Variants in INO80 observed in about 807,000 individuals in gnomAD.
INO80 encodes the protein INO80 complex ATPase subunit, also known as chromatin-remodeling ATPase INO80.
In INO80, 20 loss-of-function variants were observed where a neutral mutation model predicts 203.4. That is an observed-to-expected ratio of 0.10 (90% CI 0.07 to 0.14). The LOEUF (loss-of-function observed/expected upper bound fraction) is 0.14, where lower values mean the gene tolerates loss of function less well. INO80 is among the 10% of genes least tolerant of loss of function. The pLI, the probability that INO80 is intolerant of heterozygous loss-of-function variation, is 1.00. For missense variants in INO80, 1,419 were observed against 1,914.4 expected (o/e 0.74, Z 4.83); for synonymous variants, 726 against 685.2 (o/e 1.06, Z -0.93).
intron 24 of INO80, among the ~76,000 whole-genome samples, chr15:41,028,425 T>G (rs1181622235): frequency 6.6e-6 from 1 of 152,142 alleles, no homozygotes; most frequent in Non-Finnish European, 1.5e-5. Context: ...CATGAGCCAC[T>G]GCACCTGGCA....
chr15:41,020,401 C>G (rs2044273743), intron 26 of INO80, among the ~76,000 whole-genome samples: 1 of 152,162 alleles, frequency 6.6e-6, no homozygotes, highest in Non-Finnish European at 1.5e-5. Flanking sequence ...AACCTAGTTT[C>G]CTTTCAACCC....
intron 24 of INO80, among the ~76,000 whole-genome samples, chr15:41,029,793 A>G (rs974242379): frequency 2.0e-5 from 3 of 152,252 alleles, no homozygotes; most frequent in African/African-American, 7.2e-5. Flanking sequence ...AATTAGGAGG[A>G]AAAAGGTAAA....
intron 14 of INO80, among the ~76,000 whole-genome samples, chr15:41,062,608 C>T (rs531751184): frequency 6.6e-6 from 1 of 152,256 alleles, no homozygotes; most frequent in South Asian, 2.1e-4. Context: ...GGTTTATGTG[C>T]TGGAAACTTA....
chr15:41,100,221 C>T (rs1490069262), intron 1 of INO80, among the ~76,000 whole-genome samples: 3 of 152,018 alleles, frequency 2.0e-5, no homozygotes, highest in Non-Finnish European at 4.4e-5. Context: ...ACTACAGGCG[C>T]CTGCCACCAC....
intron 27 of INO80, chr15:41,012,905 G>C (rs924953422): frequency 2.6e-5 from 4 of 152,102 alleles, no homozygotes; most frequent in Non-Finnish European, 5.9e-5. Flanking sequence ...TTACCCAAGG[G>C]AAAAAGGAAG....
At chr15:41,110,137 T>C (rs1243215516) in intron 1 of INO80, among the ~76,000 whole-genome samples, 1 of 151,866 alleles carries the variant, frequency 6.6e-6, no homozygotes, top group African/African-American at 2.4e-5. Flanking sequence ...TGAATATATT[T>C]GGCTTTCTGG....
intron 1 of INO80, among the ~76,000 whole-genome samples, chr15:41,103,757 T>C (rs1220649187): frequency 6.6e-6 from 1 of 152,178 alleles, no homozygotes; most frequent in African/African-American, 2.4e-5. Flanking sequence ...AAAATCTAAA[T>C]TCTTCAGCCT....
chr15:41,059,506 T>C (rs2045062331), intron 15 of INO80, among the ~76,000 whole-genome samples: 1 of 150,164 alleles, frequency 6.7e-6, no homozygotes, highest in African/African-American at 2.4e-5. Flanking sequence ...GAGCCTATAG[T>C]CCCAAAAATT....
At chr15:41,083,171 G>A (rs1355048372) in intron 7 of INO80, among the ~76,000 whole-genome samples, 1 of 150,668 alleles carries the variant, frequency 6.6e-6, no homozygotes, top group Non-Finnish European at 1.5e-5. Flanking sequence ...TGTAGTCCCA[G>A]CTACTCCGGA....
intron 2 of INO80, 90 bp from the exon 3 acceptor site, chr15:41,096,018 T>C: frequency 7.0e-7 from 1 of 1,421,610 alleles, no homozygotes; most frequent in Admixed American, 2.4e-5. Flanking sequence ...AAGAAACTGT[T>C]CCTCTGAAAT....
Position 40,983,023 on chromosome 15 carries a change from C to T in INO80, c.4292G>A (p.Arg1431Gln), listed in dbSNP as rs139929718. Residue 1431 changes from arginine (R) to glutamine (Q), a missense_variant, in exon 35 of 36, where the codon CGA (arginine) becomes CAA (glutamine). By Grantham distance (43) the Arg-to-Gln change is conservative. This residue lies in a region of INO80 where 214 missense variants were observed against 248.9 expected (regional missense o/e 0.86). Coordinates refer to ENST00000648947, the MANE Select transcript of INO80 (RefSeq NM_017553.3). ...GCTTCCTGAACCTTTGGGGCGGCCTCGGCTTCGGGCTGAGTGACCACGTCC... is the reference window on the plus strand; with the variant it reads ...GCTTCCTGAACCTTTGGGGCGGCCTTGGCTTCGGGCTGAGTGACCACGTCC... ...AAGRGHSARS[R>Q]GRPKGSGSTA... 29 of 1,613,920 alleles carry T rather than the reference C, an allele frequency of 1.8e-5. No individual in the cohort carries two copies. Among genetic ancestry groups the T allele is most frequent in the South Asian group, 1.4e-4 (13 of 91,082 alleles).
chr15:41,012,315 C>T (rs1257546685), intron 27 of INO80, among the ~76,000 whole-genome samples: 2 of 152,044 alleles, frequency 1.3e-5, no homozygotes, highest in Admixed American at 6.6e-5. Flanking sequence ...GCCTGTAATC[C>T]CAACACTTTG....
Position 40,984,263 on chromosome 15 carries a change from G to A in INO80, c.4011C>T (p.Asn1337=), listed in dbSNP as rs148804952. 27 of 1,614,092 alleles carry A rather than the reference G, an allele frequency of 1.7e-5. No individual in the cohort carries two copies. In the African/African-American group the frequency reaches 2.3e-4, roughly 14 times the overall value. Residue 1337 remains asparagine (N), a synonymous_variant, in exon 33 of 36, where the codon AAC becomes AAT. Coordinates refer to ENST00000648947, the MANE Select transcript of INO80 (RefSeq NM_017553.3). ...AGGAGTCATCTCCGTCAGCAGAGAGGTTGGAGTTATCAGCCGAGGGAACAA... is the reference window on the plus strand; with the variant it reads ...AGGAGTCATCTCCGTCAGCAGAGAGATTGGAGTTATCAGCCGAGGGAACAA... ...IPFVPSADNS[N]LSADGDDSFI...
At position 40,982,850 on chromosome 15, in the gene INO80, G is replaced by A; in HGVS notation, c.4453+12C>T. ...CCAGAACAAAGTCTGCAGCCACCCT[G>A]GGCTTCTGTACCTTTAGACACGTTG... On this transcript the variant is annotated intron_variant, in intron 35 of 35. Transcript: ENST00000648947. The A allele has an allele frequency of 6.2e-7, 1 of 1,602,190 alleles. No homozygotes were observed. Among genetic ancestry groups the A allele is most frequent in the Non-Finnish European group, 8.5e-7 (1 of 1,171,558 alleles).
intron 11 of INO80, among the ~76,000 whole-genome samples, chr15:41,073,075 G>A (rs775422724): frequency 5.3e-5 from 8 of 151,946 alleles, no homozygotes; most frequent in South Asian, 2.1e-4. Context: ...CACCACGCCC[G>A]GTGAGTATGG....
chr15:40,986,208 A>T (rs2043730505), intron 31 of INO80, among the ~76,000 whole-genome samples: 1 of 152,184 alleles, frequency 6.6e-6, no homozygotes, highest in African/African-American at 2.4e-5. Flanking sequence ...GCAGAAGAGC[A>T]AATTCACTAC....
At position 41,021,134 on chromosome 15, in the gene INO80, A is replaced by G; in HGVS notation, c.3049-9T>C. On this transcript the variant is annotated splice_polypyrimidine_tract_variant and intron_variant, in intron 25 of 35. Coordinates refer to ENST00000648947, the MANE Select transcript of INO80 (RefSeq NM_017553.3). ...AATGGCACTGCGGTAACCTGCAGTT[A>G]AAGATTCACATGAGATGGCTCTTTC... The G allele has an allele frequency of 6.3e-7, 1 of 1,591,524 alleles. No individual in the cohort carries two copies. The highest frequency in any genetic ancestry group is 8.6e-7 in the Non-Finnish European group (1 of 1,159,502).
intron 1 of INO80, among the ~76,000 whole-genome samples, chr15:41,109,594 C>T (rs914375555): frequency 7.6e-4 from 114 of 150,822 alleles, no homozygotes; most frequent in African/African-American, 2.7e-3. Flanking sequence ...GTCAGGAGTT[C>T]GAGATCAGCC....
intron 25 of INO80, among the ~76,000 whole-genome samples, chr15:41,022,978 C>T (rs1369518057): frequency 6.6e-6 from 1 of 151,552 alleles, no homozygotes; most frequent in Non-Finnish European, 1.5e-5. Context: ...GCGTTCACCT[C>T]TAATCCCAGA....
Sources: gnomAD v4.1 joint callset for allele counts (sites outside exome capture counted in the v4.1 genomes callset) on GRCh38, gnomAD v4.1.1 for gene constraint, gnomAD v4.1.1 regional missense constraint, MANE v1.5 for transcripts, NCBI Gene and HGNC (gene_info 2026-07-23, HGNC 2026-07-21) for gene names.